The following NME7 variants were observed in gnomAD, a reference collection of about 807,000 sequenced individuals.
NME7 encodes nucleoside diphosphate kinase 7.
NME7 carries 41 observed loss-of-function variants against 49.1 expected under a neutral mutation model. The observed-to-expected ratio is 0.83, with a 90% CI of 0.65 to 1.08. The LOEUF is 1.08. NME7 is among the 50% of genes least tolerant of loss of function. NME7 has a pLI of 0.00. For synonymous variants in NME7, 139 were observed against 150.6 expected (o/e 0.92, Z 0.56); for missense variants, 423 against 463.4 (o/e 0.91, Z 0.80).
At chr1:169,176,166 CAAACTAAAA>C (rs1659744882) in intron 10 of NME7, among the ~76,000 whole-genome samples, 1 of 151,998 alleles carries the variant, frequency 6.6e-6, no homozygotes, top group Admixed American at 6.6e-5. Context: ...CAGATGAATT[CAAACTAAAA>C]TGAGATAATG....
At chr1:169,296,316 G>A (rs770817871) in intron 6 of NME7, among the ~76,000 whole-genome samples, 7 of 152,034 alleles carry the variant, frequency 4.6e-5, no homozygotes, top group Non-Finnish European at 8.8e-5. Context: ...TCCATTCTTA[G>A]TCCTCTTCTT....
chr1:169,168,436 T>C (rs1659476596), intron 11 of NME7, among the ~76,000 whole-genome samples: 2 of 152,062 alleles, frequency 1.3e-5, no homozygotes, highest in African/African-American at 4.8e-5. Flanking sequence ...CCCGCCTTTT[T>C]TGGAGGCAAA....
intron 9 of NME7, among the ~76,000 whole-genome samples, 182 bp from the exon 10 acceptor site, chr1:169,231,001 T>C (rs1411472244): frequency 6.6e-6 from 1 of 152,214 alleles, no homozygotes; most frequent in Non-Finnish European, 1.5e-5. Context: ...TTTTTAGATA[T>C]GCTCTCTCTT....
chr1:169,332,618 C>G (rs1354753077), intron 1 of NME7, among the ~76,000 whole-genome samples: 1 of 152,050 alleles, frequency 6.6e-6, no homozygotes, highest in East Asian at 1.9e-4. Flanking sequence ...TCAAACAACT[C>G]TACAGGAAGA....
chr1:169,245,188 A>G (rs1648258995), intron 7 of NME7, among the ~76,000 whole-genome samples: 1 of 150,428 alleles, frequency 6.6e-6, no homozygotes, highest in Non-Finnish European at 1.5e-5. Context: ...TATCATCTAT[A>G]ATATACCTCA....
rs1185893326 is a variant in NME7, at chr1:169,266,369, T to C, written c.754+20934A>G. Among the ~76,000 whole-genome samples the C allele has an allele frequency of 1.5e-5, 2 of 131,924 alleles. 1 individual carries two copies. Among genetic ancestry groups the C allele is most frequent in the Non-Finnish European group, 3.6e-5 (2 of 55,844 alleles). 86.5% of individuals were successfully genotyped at this position (131,924 alleles called of 152,430 possible). On this transcript the variant is annotated intron_variant, in intron 7 of 11. Transcript: ENST00000367811. ...CAGAACTAAAGACAGGAACCACAGA[T>C]GCAGAAAAAGCCTTTGATAAAATTC...
chr1:169,324,477 GA>G lies in NME7; in HGVS notation c.26del (p.Phe9SerfsTer32). MNHSERFV[F>X]IAEWYDPNAS... is the part of the protein sequence containing the mutation. Reference sequence around the variant, plus strand: ...CATTTGGATCATACCACTCTGCAATGAAAACGAATCTTTCACTATGATTCTG... The same window carrying G: ...CATTTGGATCATACCACTCTGCAATGAAACGAATCTTTCACTATGATTCTG... On this transcript the variant is annotated frameshift_variant, in exon 2 of 12. Transcript: ENST00000367811. LOFTEE classifies it high-confidence loss of function. The G allele has an allele frequency of 6.2e-7, 1 of 1,610,876 alleles. No homozygotes were observed. The highest frequency in any genetic ancestry group is 8.5e-7 in the Non-Finnish European group (1 of 1,177,544).
chr1:169,279,404 C>T (rs1649902138), intron 7 of NME7, among the ~76,000 whole-genome samples: 1 of 152,222 alleles, frequency 6.6e-6, no homozygotes, highest in South Asian at 2.1e-4. Flanking sequence ...AGGATCCCCT[C>T]CCCCAGCCTT....
At chr1:169,222,742 C>T (rs1412543105) in intron 10 of NME7, among the ~76,000 whole-genome samples, 1 of 152,098 alleles carries the variant, frequency 6.6e-6, no homozygotes, top group African/African-American at 2.4e-5. Flanking sequence ...TATTTATTTA[C>T]TTATTTTTGA....
At chr1:169,194,671 A>G (rs1660323957) in intron 10 of NME7, among the ~76,000 whole-genome samples, 1 of 152,202 alleles carries the variant, frequency 6.6e-6, no homozygotes, top group Non-Finnish European at 1.5e-5. Flanking sequence ...ATCACAAATA[A>G]AAGTCAATTA....
At chr1:169,367,511 CATT>C (rs1323335498) in intron 1 of NME7, among the ~76,000 whole-genome samples, 194 bp downstream of exon 1, 1 of 152,138 alleles carries the variant, frequency 6.6e-6, no homozygotes, top group African/African-American at 2.4e-5. Context: ...GACTTAGTAA[CATT>C]AGTGGAATTC....
chr1:169,175,346 T>G (rs868439980), intron 10 of NME7, among the ~76,000 whole-genome samples: 2 of 152,156 alleles, frequency 1.3e-5, no homozygotes, highest in African/African-American at 4.8e-5. Flanking sequence ...TCAGGCTCTT[T>G]TACAGTTAAC....
intron 4 of NME7, among the ~76,000 whole-genome samples, chr1:169,305,199 AG>A (rs1190447826): frequency 6.6e-6 from 1 of 152,232 alleles, no homozygotes; most frequent in Non-Finnish European, 1.5e-5. Flanking sequence ...TTTGCTTTAA[AG>A]GTTTAGAAGG....
At chr1:169,325,189 A>G (rs1055972236) in intron 1 of NME7, among the ~76,000 whole-genome samples, 3 of 152,160 alleles carry the variant, frequency 2.0e-5, no homozygotes, top group African/African-American at 4.8e-5. Flanking sequence ...GGAGAGATGC[A>G]AGGAAGGTTA....
At chr1:169,198,692 T>A (rs749795384) in intron 10 of NME7, among the ~76,000 whole-genome samples, 1 of 152,102 alleles carries the variant, frequency 6.6e-6, no homozygotes, top group Non-Finnish European at 1.5e-5. Context: ...GATTAGTGAT[T>A]GCCTAGGGCT....
intron 7 of NME7, chr1:169,286,996 T>C (rs1381780674): frequency 4.6e-6 from 1 of 215,142 alleles, no homozygotes; most frequent in African/African-American, 2.5e-5. Flanking sequence ...ATTAAGTGAA[T>C]CACAATTTGT....
At chr1:169,213,384 C>T (rs1041939886) in intron 10 of NME7, among the ~76,000 whole-genome samples, 8 of 151,864 alleles carry the variant, frequency 5.3e-5, no homozygotes, top group Non-Finnish European at 1.0e-4. Flanking sequence ...AAAAAAATCT[C>T]ACCCATAGTA....
chr1:169,180,933 A>G (rs1199077722), intron 10 of NME7, among the ~76,000 whole-genome samples: 1 of 152,106 alleles, frequency 6.6e-6, no homozygotes, highest in Non-Finnish European at 1.5e-5. Flanking sequence ...ATTGGACAGT[A>G]GAGACCTAGA....
chr1:169,169,302 C>T, intron 11 of NME7, 145 bp downstream of exon 11: 1 of 642,272 alleles, frequency 1.6e-6, no homozygotes, highest in Non-Finnish European at 2.7e-6. Context: ...ACGTGTATAC[C>T]TATGTAACAA....
Sources: gnomAD v4.1 joint callset for allele counts (sites outside exome capture counted in the v4.1 genomes callset) on GRCh38, gnomAD v4.1.1 for gene constraint, MANE v1.5 for transcripts, NCBI Gene and HGNC (gene_info 2026-07-23, HGNC 2026-07-21) for gene names.